The following ATP13A3 variants were observed in gnomAD, a reference collection of about 807,000 sequenced individuals.
The protein encoded by ATP13A3 is polyamine-transporting ATPase 13A3.
In ATP13A3, 59 loss-of-function variants were observed where a neutral mutation model predicts 158.1. The observed-to-expected ratio is 0.37, with a 90% CI of 0.30 to 0.46. ATP13A3 has a LOEUF of 0.46. Ranked by LOEUF, ATP13A3 falls within the 20% of genes least tolerant of loss-of-function variation. The pLI is 1.00. For synonymous variants in ATP13A3, 491 were observed against 504.3 expected (o/e 0.97, Z 0.35); for missense variants, 1,166 against 1,525.2 (o/e 0.76, Z 3.92).
chr3:194,472,883 T>C (rs893549875), intron 2 of ATP13A3, among the ~76,000 whole-genome samples: 1 of 152,178 alleles, frequency 6.6e-6, no homozygotes, highest in African/African-American at 2.4e-5. Flanking sequence ...TATCTAAGCA[T>C]TCGAATTAAT....
intron 29 of ATP13A3, among the ~76,000 whole-genome samples, chr3:194,426,653 A>G (rs1352566381): frequency 6.6e-6 from 1 of 152,206 alleles, no homozygotes; most frequent in Non-Finnish European, 1.5e-5. Context: ...ACCGTGATAT[A>G]CAGGCAAATA....
intron 8 of ATP13A3, among the ~76,000 whole-genome samples, chr3:194,455,103 C>G (rs1051595120): frequency 6.6e-6 from 1 of 152,090 alleles, no homozygotes; most frequent in Non-Finnish European, 1.5e-5. Flanking sequence ...ACTATAAACT[C>G]AAAACACAAA....
Position 194,450,242 on chromosome 3 carries a change from T to C in ATP13A3, c.873A>G (p.Pro291=), listed in dbSNP as rs374178370. The C allele has an allele frequency of 1.5e-5, 24 of 1,613,066 alleles. No individual in the cohort carries two copies. The highest frequency in any genetic ancestry group is 2.0e-5 in the Non-Finnish European group (23 of 1,179,176). The change falls in exon 11 of 34, where the codon CCA becomes CCG. Residue 291 remains proline, a synonymous_variant. Transcript: ENST00000645319. The part of the protein sequence containing the change: ...IEEIFSTDLV[P]GDVMVIPLNG... ...TTAATGGAATGACCATGACATCTCCTGGCACAAGGTCGGTAGAAAAGATTT... is the reference window on the plus strand; with the variant it reads ...TTAATGGAATGACCATGACATCTCCCGGCACAAGGTCGGTAGAAAAGATTT...
chr3:194,454,650 A>T (rs1261602261), intron 8 of ATP13A3, among the ~76,000 whole-genome samples: 1 of 151,956 alleles, frequency 6.6e-6, no homozygotes, highest in Non-Finnish European at 1.5e-5. Context: ...ACACGGTGAA[A>T]CCCTGTCTCT....
At chr3:194,444,289 A>T (rs1718244643) in intron 15 of ATP13A3, among the ~76,000 whole-genome samples, 1 of 152,244 alleles carries the variant, frequency 6.6e-6, no homozygotes, top group Non-Finnish European at 1.5e-5. Flanking sequence ...GTCCCTTAGT[A>T]GAAGAACAGA....
chr3:194,443,981 T>G (rs1335727444), intron 15 of ATP13A3, among the ~76,000 whole-genome samples: 1 of 146,614 alleles, frequency 6.8e-6, no homozygotes, highest in East Asian at 1.9e-4. Context: ...GATGCTCAAT[T>G]TTATAAGAAA....
chr3:194,453,275 G>A (rs562019053), intron 10 of ATP13A3, among the ~76,000 whole-genome samples: 18 of 116,030 alleles, frequency 1.6e-4, no homozygotes, highest in South Asian at 6.3e-4. Flanking sequence ...AGACCACATC[G>A]ACTTTAAAAA....
intron 2 of ATP13A3, among the ~76,000 whole-genome samples, chr3:194,464,076 G>T (rs891819060): frequency 2.0e-5 from 3 of 152,148 alleles, no homozygotes; most frequent in Admixed American, 1.3e-4. Flanking sequence ...TGAGAGAATT[G>T]CTTGAACCCA....
In ATP13A3 at chr3:194,404,942, C is replaced by T. The variant is rs1216831393; in HGVS notation, c.*977G>A. ...TCATTATTGATAAGACAGAGACATACATCAAACCTCAAAAAATTTTATGAG... is the reference window on the plus strand; with the variant it reads ...TCATTATTGATAAGACAGAGACATATATCAAACCTCAAAAAATTTTATGAG... On this transcript the variant is annotated 3_prime_UTR_variant, in exon 34 of 34. Coordinates refer to ENST00000645319, the MANE Select transcript of ATP13A3 (RefSeq NM_001367549.1). The T allele has an allele frequency of 2.0e-5, 3 of 152,034 alleles. No homozygotes were observed. The highest frequency in any genetic ancestry group is 2.4e-5 in the African/African-American group (1 of 41,392). The allele number at this position is 152,034 out of a possible 1,614,324, so 9.4% of individuals were successfully genotyped here.
At chr3:194,483,229 A>AGCCATGATCGT (rs1477812532) in intron 2 of ATP13A3, among the ~76,000 whole-genome samples, 1 of 151,914 alleles carries the variant, frequency 6.6e-6, no homozygotes, top group Non-Finnish European at 1.5e-5. Context: ...GGCTGCAGTG[A>AGCCATGATCGT]GCCATGATCG....
chr3:194,440,031 C>T (rs958767430), intron 16 of ATP13A3, among the ~76,000 whole-genome samples: 3 of 152,122 alleles, frequency 2.0e-5, no homozygotes, highest in African/African-American at 7.2e-5. Flanking sequence ...ATCCAGTCAC[C>T]TCCTCCCTCT....
upstream of ATP13A3, among the ~76,000 whole-genome samples, chr3:194,489,650 C>T (rs183982641): frequency 1.4e-3 from 216 of 152,200 alleles, no homozygotes; most frequent in Non-Finnish European, 2.2e-3. The surrounding 1 kb of genome is among the most constrained non-coding windows in gnomAD (Gnocchi z 4.1). Flanking sequence ...CACAAAGAGC[C>T]CCAGAATTCG....
At chr3:194,465,419 G>A (rs1719930323) in intron 2 of ATP13A3, among the ~76,000 whole-genome samples, 1 of 152,176 alleles carries the variant, frequency 6.6e-6, no homozygotes, top group African/African-American at 2.4e-5. Flanking sequence ...ACTTGTGTGT[G>A]AAGAAACTAC....
rs778889550 is a variant in ATP13A3 at position 194,493,856 on chromosome 3, C to T, written n.746+194G>A. On this transcript the variant is annotated intron_variant and non_coding_transcript_variant, in intron 2 of 32. Coordinates refer to the ATP13A3 transcript ENST00000687055. ...TGACTATTCTGTTCATTTTCATAGACGAAGAAACTTTACATATATGATCTC... is the reference window on the plus strand; with the variant it reads ...TGACTATTCTGTTCATTTTCATAGATGAAGAAACTTTACATATATGATCTC... Among the ~76,000 whole-genome samples the T allele has an allele frequency of 2.2e-4, 34 of 152,082 alleles. 1 individual carries two copies. The highest frequency in any genetic ancestry group is 5.8e-4 in the African/African-American group (24 of 41,430).
At chr3:194,452,192 A>G (rs1718857469) in intron 10 of ATP13A3, 1 of 151,978 alleles carries the variant, frequency 6.6e-6, no homozygotes, top group Admixed American at 6.6e-5. Context: ...TGTTTCTACT[A>G]AAAACACAAA....
intron 2 of ATP13A3, among the ~76,000 whole-genome samples, chr3:194,473,436 T>C (rs1194390868): frequency 6.6e-6 from 1 of 151,906 alleles, no homozygotes; most frequent in Non-Finnish European, 1.5e-5. Flanking sequence ...AGACGATGTA[T>C]TTAAAGTATA....
At chr3:194,463,050 C>G (rs1441150866) in intron 2 of ATP13A3, among the ~76,000 whole-genome samples, 1 of 152,090 alleles carries the variant, frequency 6.6e-6, no homozygotes, top group Non-Finnish European at 1.5e-5. Flanking sequence ...GCAATGAAAC[C>G]AAGCCAAAAA....
chr3:194,444,582 T>C, intron 15 of ATP13A3, 143 bp downstream of exon 15: 1 of 612,030 alleles, frequency 1.6e-6, no homozygotes, highest in Non-Finnish European at 2.6e-6. Flanking sequence ...AAGGAAGCGA[T>C]CTGAAGCAAA....
chr3:194,451,415 T>C (rs1718797375), intron 10 of ATP13A3: 1 of 152,208 alleles, frequency 6.6e-6, no homozygotes, highest in Admixed American at 6.5e-5. Context: ...GAAAACAAGG[T>C]ATCAATGACA....
Sources: gnomAD v4.1 joint callset for allele counts (sites outside exome capture counted in the v4.1 genomes callset) on GRCh38, gnomAD v4.1.1 for gene constraint, Gnocchi (gnomAD v3.1) non-coding constraint, MANE v1.5 for transcripts, NCBI Gene and HGNC (gene_info 2026-07-23, HGNC 2026-07-21) for gene names.